Variants in TENM3 observed in about 807,000 individuals in gnomAD.
The protein encoded by TENM3 is teneurin-3.
Under a neutral mutation model 255.1 loss-of-function variants are expected in TENM3, and 63 were observed. That is an observed-to-expected ratio of 0.25 (90% confidence interval 0.20 to 0.30). The LOEUF (loss-of-function observed/expected upper bound fraction) is 0.30, where lower values mean the gene tolerates loss of function less well. Among genes scored for constraint, TENM3 ranks in the 10% least tolerant of loss-of-function variants. The probability of loss-of-function intolerance (pLI) is 1.00; values close to 1 mark genes in which losing one functional copy is unlikely to be tolerated. For synonymous variants in TENM3, 1,306 were observed against 1,322.3 expected (o/e 0.99, Z 0.27); for missense variants, 2,929 against 3,461.1 (o/e 0.85, Z 3.86).
chr4:182,453,286 C>A (rs1773617517), intron 3 of TENM3, among the ~76,000 whole-genome samples: 1 of 152,016 alleles, frequency 6.6e-6, no homozygotes, highest in Non-Finnish European at 1.5e-5. Context: ...ACAGTTTATG[C>A]CACAGATGTT....
chr4:181,870,047 C>T, the TENM3 span, among the ~76,000 whole-genome samples: 3 of 152,140 alleles, frequency 2.0e-5, no homozygotes, highest in Non-Finnish European at 2.9e-5. Context: ...GTTTTACCTA[C>T]CCTTGACCTT....
intron 3 of TENM3, among the ~76,000 whole-genome samples, chr4:182,453,433 CAG>C (rs1561463225): frequency 6.6e-6 from 1 of 152,080 alleles, no homozygotes; most frequent in Non-Finnish European, 1.5e-5. Context: ...AAAAGAAAAA[CAG>C]AGTTTCTCTC....
the TENM3 span, among the ~76,000 whole-genome samples, chr4:181,750,324 GA>G: frequency 1.3e-5 from 2 of 152,092 alleles, no homozygotes; most frequent in African/African-American, 4.8e-5. Flanking sequence ...CCTAAATGAT[GA>G]AAAAGTTAGG....
At chr4:181,839,469 T>A in the TENM3 span, among the ~76,000 whole-genome samples, 1 of 146,862 alleles carries the variant, frequency 6.8e-6, no homozygotes, top group South Asian at 2.1e-4. Flanking sequence ...TCTATATATA[T>A]ATACAAAATA....
chr4:181,771,886 G>A, the TENM3 span, among the ~76,000 whole-genome samples: 10 of 152,284 alleles, frequency 6.6e-5, no homozygotes, highest in African/African-American at 1.7e-4. Context: ...ACTCACCTTC[G>A]TCAAAACCTG....
chr4:181,697,045 C>A, the TENM3 span, among the ~76,000 whole-genome samples: 3 of 152,204 alleles, frequency 2.0e-5, no homozygotes, highest in Non-Finnish European at 4.4e-5. Context: ...GTGGCTCATA[C>A]CCCTGCCTCC....
chr4:182,063,409 A>G, the TENM3 span, among the ~76,000 whole-genome samples: 1 of 152,220 alleles, frequency 6.6e-6, no homozygotes, highest in Non-Finnish European at 1.5e-5. Context: ...TTTAGTCTCA[A>G]TGTTGGTTCA....
At chr4:181,644,749 G>T in the TENM3 span, among the ~76,000 whole-genome samples, 2 of 151,872 alleles carry the variant, frequency 1.3e-5, no homozygotes, top group Non-Finnish European at 2.9e-5. Context: ...CACCCATAAA[G>T]GTGAGTTCAG....
rs537557299 is a variant in TENM3, at chr4:182,276,176, C to T, written c.-76+32700C>T. On this transcript the variant is annotated intron_variant, in intron 1 of 27. Transcript: ENST00000511685. ...AAAAAGAGAGGGTCTTTGGTGTGAT[C>T]CTGGAACAGAAATATCAGTAACATT... is the stretch of plus-strand genomic sequence containing the variant. 5.3e-5 allele frequency among the ~76,000 whole-genome samples: 8 copies of T among 152,224 alleles called. No homozygotes were observed. The East Asian group carries it at 1.5e-3, about 29-fold the overall frequency.
intron 4 of TENM3, 52 bp downstream of exon 4, chr4:182,601,213 G>A (rs1384182934): frequency 1.4e-6 from 2 of 1,401,914 alleles, no homozygotes; most frequent in African/African-American, 1.4e-5. Context: ...CTCACCAGGA[G>A]CAATTTACTA....
At chr4:182,373,732 C>A (rs1365453646) in intron 3 of TENM3, among the ~76,000 whole-genome samples, 1 of 152,132 alleles carries the variant, frequency 6.6e-6, no homozygotes, top group Non-Finnish European at 1.5e-5. Flanking sequence ...GCCTCTGAAC[C>A]AAGACTTGAA....
chr4:182,621,606 T>A (rs7676469), intron 4 of TENM3, among the ~76,000 whole-genome samples: 29,714 of 99,846 alleles, frequency 0.3, 5,667 homozygotes, highest in East Asian at 0.67. Flanking sequence ...TGTACAAAAA[T>A]ATATATAAAT....
the TENM3 span, among the ~76,000 whole-genome samples, chr4:181,805,645 C>T: frequency 1.3e-5 from 2 of 151,758 alleles, no homozygotes; most frequent in African/African-American, 4.8e-5. Context: ...CAAATCTGTT[C>T]CCTCCACCAT....
chr4:181,473,444 T>A, the TENM3 span, among the ~76,000 whole-genome samples: 1 of 151,954 alleles, frequency 6.6e-6, no homozygotes, highest in East Asian at 1.9e-4. Flanking sequence ...TTTAAAAAAT[T>A]AGCTGGGGGT....
At chr4:181,734,389 C>T in the TENM3 span, among the ~76,000 whole-genome samples, 3 of 151,910 alleles carry the variant, frequency 2.0e-5, no homozygotes, top group East Asian at 1.9e-4. Flanking sequence ...TGAATAAATA[C>T]GTGTGTGAAT....
the TENM3 span, among the ~76,000 whole-genome samples, chr4:181,637,477 A>G: frequency 6.6e-6 from 1 of 152,264 alleles, no homozygotes; most frequent in South Asian, 2.1e-4. Flanking sequence ...CAGTGGCAAA[A>G]CTCGTCAAAT....
At chr4:181,916,746 G>T in the TENM3 span, among the ~76,000 whole-genome samples, 1 of 151,990 alleles carries the variant, frequency 6.6e-6, no homozygotes, top group African/African-American at 2.4e-5. Context: ...GCATGGTGGC[G>T]CGTGCTCGTA....
At chr4:182,733,109 G>C (rs887790061) in intron 16 of TENM3, among the ~76,000 whole-genome samples, 5 of 152,170 alleles carry the variant, frequency 3.3e-5, no homozygotes, top group African/African-American at 4.8e-5. Context: ...TAAAGCAGGG[G>C]ACAGTGGATA....
the TENM3 span, among the ~76,000 whole-genome samples, chr4:182,058,531 C>T: frequency 6.6e-6 from 1 of 151,690 alleles, no homozygotes; most frequent in Non-Finnish European, 1.5e-5. Flanking sequence ...GAAGAAAGCT[C>T]CTTTATCTAG....
Sources: gnomAD v4.1 joint callset for allele counts (sites outside exome capture counted in the v4.1 genomes callset) on GRCh38, gnomAD v4.1.1 for gene constraint, MANE v1.5 for transcripts, NCBI Gene and HGNC (gene_info 2026-07-23, HGNC 2026-07-21) for gene names.